Variants in PLCXD2 observed in about 807,000 individuals in gnomAD.
PLCXD2 encodes the protein PI-PLC X domain-containing protein 2.
In PLCXD2, 21 loss-of-function variants were observed where a neutral mutation model predicts 28.6. That is an observed-to-expected ratio of 0.73 (90% CI 0.52 to 1.06). The LOEUF is 1.06. Ranked by LOEUF, PLCXD2 falls within the 50% of genes least tolerant of loss-of-function variation. The pLI, the probability that PLCXD2 is intolerant of heterozygous loss-of-function variation, is 0.00. For synonymous variants in PLCXD2, 140 were observed against 150.1 expected, an observed-to-expected ratio of 0.93 and a Z score of 0.49; for missense variants, 369 against 376.7, an observed-to-expected ratio of 0.98 and a Z score of 0.17.
Position 111,675,382 on chromosome 3 carries a change from T to C in PLCXD2, c.137T>C (p.Leu46Pro). The stretch of plus-strand genomic sequence containing the variant: ...TCGCTCCCCCCTCACCTCCACAACC[T>C]CCCCCTTTCCAATCTGGCAATCCCA... Residue 46 changes from leucine to proline, a missense_variant, in exon 1 of 5, where the codon CTC becomes CCC. Physicochemically the swap from Leu to Pro is moderately conservative, Grantham distance 98 (BLOSUM62 -3). Coordinates refer to ENST00000477665, the MANE Select transcript of PLCXD2 (RefSeq NM_001185106.1). 1 of 1,613,910 alleles carries C rather than the reference T, an allele frequency of 6.2e-7. No homozygotes were observed. Among genetic ancestry groups the C allele is most frequent in the Non-Finnish European group, 8.5e-7 (1 of 1,179,946 alleles).
Position 111,675,038 on chromosome 3 carries a change from A to G in PLCXD2, c.-208A>G, listed in dbSNP as rs531413034. On this transcript the variant is annotated 5_prime_UTR_variant, in exon 1 of 5. Transcript: ENST00000477665. ...GAGCTGGGACTGAGCAGATTAAGGGAGTGGAGCGGAGGCTGGGCCGGAGAG... is the reference window on the plus strand; with the variant it reads ...GAGCTGGGACTGAGCAGATTAAGGGGGTGGAGCGGAGGCTGGGCCGGAGAG... The G allele has an allele frequency of 1.0e-5, 6 of 586,060 alleles. No individual in the cohort carries two copies. Among genetic ancestry groups the G allele is most frequent in the East Asian group, 2.9e-5 (1 of 34,722 alleles). 36.3% of individuals were successfully genotyped at this position (586,060 alleles called of 1,614,324 possible). A position where few individuals can be genotyped will look rare whatever the true frequency, so the allele number is the denominator to read the frequency against.
chr3:111,684,668 T>A (rs2399396), intron 1 of PLCXD2, among the ~76,000 whole-genome samples: 1,528 of 150,382 alleles, frequency 0.01, 22 homozygotes, highest in African/African-American at 0.035. Flanking sequence ...AAAAAAAAAA[T>A]AAAGTTAACT....
At chr3:111,690,753 C>A (rs551574453) in intron 1 of PLCXD2, among the ~76,000 whole-genome samples, 1 of 152,312 alleles carries the variant, frequency 6.6e-6, no homozygotes, top group African/African-American at 2.4e-5. Context: ...GAGAAAAAAA[C>A]CTCTTCTTAT....
intron 1 of PLCXD2, among the ~76,000 whole-genome samples, chr3:111,692,867 T>A (rs1355052962): frequency 6.6e-6 from 1 of 152,238 alleles, no homozygotes; most frequent in Non-Finnish European, 1.5e-5. Flanking sequence ...ATCCTTTCCC[T>A]ACGTGTGGAA....
intron 2 of PLCXD2, among the ~76,000 whole-genome samples, chr3:111,711,918 G>T (rs1941204338): frequency 6.6e-6 from 1 of 152,136 alleles, no homozygotes; most frequent in Admixed American, 6.6e-5. Flanking sequence ...AATAAGAGGA[G>T]GTCCATCAAG....
intron 1 of PLCXD2, among the ~76,000 whole-genome samples, chr3:111,680,213 C>A (rs912185602): frequency 1.3e-5 from 2 of 152,166 alleles, no homozygotes; most frequent in African/African-American, 4.8e-5. Flanking sequence ...CTTAGTGGAG[C>A]AGGATGGAGT....
chr3:111,700,511 G>A (rs1230311209), intron 1 of PLCXD2, among the ~76,000 whole-genome samples: 2 of 152,012 alleles, frequency 1.3e-5, no homozygotes, highest in Admixed American at 1.3e-4. Context: ...AAAATTCTCA[G>A]CACAGAGAAG....
At chr3:111,720,997 T>G in intron 3 of PLCXD2, 2 of 402,340 alleles carry the variant, frequency 5.0e-6, no homozygotes, top group Non-Finnish European at 8.9e-6. Context: ...GGAAGATGGC[T>G]TTTTTTTCTC....
intron 1 of PLCXD2, among the ~76,000 whole-genome samples, chr3:111,686,276 C>T (rs1940793620): frequency 6.6e-6 from 1 of 152,186 alleles, no homozygotes; most frequent in Non-Finnish European, 1.5e-5. Context: ...GCTGTCTCTC[C>T]TCAGACAGTG....
intron 2 of PLCXD2, among the ~76,000 whole-genome samples, chr3:111,709,060 G>T (rs1168730647): frequency 1.4e-5 from 2 of 144,594 alleles, no homozygotes; most frequent in African/African-American, 5.1e-5. Context: ...GGAGAAAAGA[G>T]CTTCAGGAAA....
intron 1 of PLCXD2, among the ~76,000 whole-genome samples, chr3:111,689,891 A>T (rs940364005): frequency 2.0e-5 from 3 of 152,240 alleles, no homozygotes; most frequent in Non-Finnish European, 4.4e-5. Context: ...CAAGGCTTTA[A>T]GAGTAAGAAC....
intron 1 of PLCXD2, among the ~76,000 whole-genome samples, chr3:111,678,353 A>G (rs1260686698): frequency 4.6e-5 from 7 of 152,240 alleles, no homozygotes; most frequent in African/African-American, 1.7e-4. Flanking sequence ...AGGATAAAGG[A>G]TCCAGACATC....
At chr3:111,699,463 T>C (rs926491873) in intron 1 of PLCXD2, among the ~76,000 whole-genome samples, 1 of 152,164 alleles carries the variant, frequency 6.6e-6, no homozygotes, top group African/African-American at 2.4e-5. Flanking sequence ...TCATTTGAGA[T>C]CTCTAATCCC....
chr3:111,707,830 T>G, intron 1 of PLCXD2, 96 bp from the exon 2 acceptor site: 1 of 1,135,692 alleles, frequency 8.8e-7, no homozygotes, highest in Non-Finnish European at 1.2e-6. Context: ...TGTTATTTGG[T>G]GCTTAATTTT....
intron 1 of PLCXD2, among the ~76,000 whole-genome samples, chr3:111,706,864 T>G (rs1941127158): frequency 6.7e-6 from 1 of 148,462 alleles, no homozygotes; most frequent in Non-Finnish European, 1.5e-5. Flanking sequence ...AAAGATAAAG[T>G]GATCAGTTCA....
chr3:111,676,721 T>C (rs6807632), intron 1 of PLCXD2: 140,349 of 152,252 alleles, frequency 0.92, 65,004 homozygotes, highest in Middle Eastern at 0.98. Flanking sequence ...AAATGATGCA[T>C]GGGCCACTTT....
intron 1 of PLCXD2, among the ~76,000 whole-genome samples, chr3:111,687,684 C>CTTTTTT (rs5851776): frequency 1.5e-5 from 2 of 137,318 alleles, no homozygotes; most frequent in African/African-American, 2.6e-5. Context: ...TTCTTTCTTT[C>CTTTTTT]TTTTTTTTTT....
chr3:111,726,690 A>G (rs1347091857), intron 3 of PLCXD2: 1 of 152,176 alleles, frequency 6.6e-6, no homozygotes, highest in Non-Finnish European at 1.5e-5. Context: ...TTTTACCCCT[A>G]GGAAATAATT....
intron 1 of PLCXD2, among the ~76,000 whole-genome samples, chr3:111,705,366 T>A (rs1941102080): frequency 6.6e-6 from 1 of 152,238 alleles, no homozygotes; most frequent in Non-Finnish European, 1.5e-5. Flanking sequence ...GGATGAATAG[T>A]ATTCCAGTAT....
Sources: gnomAD v4.1 joint callset for allele counts (sites outside exome capture counted in the v4.1 genomes callset) on GRCh38, gnomAD v4.1.1 for gene constraint, MANE v1.5 for transcripts, NCBI Gene and HGNC (gene_info 2026-07-23, HGNC 2026-07-21) for gene names.